The following NUP210L variants were observed in gnomAD, a reference collection of about 807,000 sequenced individuals.
NUP210L encodes nucleoporin 210 like.
In NUP210L, 74 loss-of-function variants were observed where a neutral mutation model predicts 208.5. The ratio of observed to expected loss-of-function variants is 0.35; its 90% confidence interval spans 0.29 to 0.43. The LOEUF is 0.43. Among genes scored for constraint, NUP210L ranks in the 20% least tolerant of loss-of-function variants. The pLI is 1.00. For synonymous variants in NUP210L, 780 were observed against 816.9 expected (o/e 0.95, Z 0.77); for missense variants, 1,843 against 2,289.4 (o/e 0.81, Z 3.98).
At chr1:154,063,784 T>C (rs139626055) in intron 17 of NUP210L, among the ~76,000 whole-genome samples, 275 of 152,024 alleles carry the variant, frequency 1.8e-3, no homozygotes, top group Non-Finnish European at 3.1e-3. Context: ...GCTCAGTAAA[T>C]AGCAACCAAA....
intron 12 of NUP210L, among the ~76,000 whole-genome samples, chr1:154,116,254 C>CAA (rs34151144): frequency 1.3e-3 from 122 of 91,422 alleles, no homozygotes; most frequent in African/African-American, 5.3e-3. Flanking sequence ...GACTCCATCT[C>CAA]AAAAAAAAAA....
At chr1:154,104,421 A>T (rs1656639557) in intron 12 of NUP210L, 1 of 548,354 alleles carries the variant, frequency 1.8e-6, no homozygotes, top group Non-Finnish European at 3.3e-6. Context: ...ATATCAAGGA[A>T]GGAGCCACTG....
intron 30 of NUP210L, among the ~76,000 whole-genome samples, chr1:154,024,862 C>T (rs370122829): frequency 6.7e-6 from 1 of 150,184 alleles, no homozygotes; most frequent in East Asian, 2.0e-4. Flanking sequence ...TACACTCCTC[C>T]GATACCAGTC....
chr1:154,029,375 CAAAAAAAA>C (rs57790370), intron 28 of NUP210L, among the ~76,000 whole-genome samples: 1 of 44,084 alleles, frequency 2.3e-5, no homozygotes, highest in Non-Finnish European at 3.9e-5. Context: ...AAGACTGTCT[CAAAAAAAA>C]AAAAAAAAAA....
At chr1:153,993,112 C>A in intron 38 of NUP210L, 23 bp from the exon 39 acceptor site, 2 of 1,586,810 alleles carry the variant, frequency 1.3e-6, no homozygotes, top group African/African-American at 1.3e-5. Flanking sequence ...CAGGAAATGT[C>A]ACAAGGCATA....
At position 154,001,851 on chromosome 1, in the gene NUP210L, G is replaced by C. The variant is rs766325288; in HGVS notation, c.5065C>G (p.Leu1689Val). Residue 1689 changes from leucine to valine, a missense_variant, in exon 36 of 40, where the codon CTC (leucine) becomes GTC (valine). This residue lies in a region of NUP210L where 781 missense variants were observed against 973.8 expected (regional missense o/e 0.80). Transcript: ENST00000368559. Reference sequence around the variant, plus strand: ...TAAAAGGCTGGGATGAAAGGAATGAGGATTCGTTGCATTCCATTCTTGCTA... The same window carrying C: ...TAAAAGGCTGGGATGAAAGGAATGACGATTCGTTGCATTCCATTCTTGCTA... 6.2e-6 allele frequency: 10 copies of C among 1,614,156 alleles called. No individual in the cohort carries two copies. In the Admixed American group the frequency reaches 1.7e-4, roughly 27 times the overall value.
chr1:154,001,174 T>C, intron 36 of NUP210L, 114 bp from the exon 37 acceptor site: 1 of 847,844 alleles, frequency 1.2e-6, no homozygotes. Context: ...GATTTCTAGC[T>C]AGCTAGCCGA....
At chr1:154,087,468 G>A (rs11265049) in intron 16 of NUP210L, among the ~76,000 whole-genome samples, 38,897 of 152,078 alleles carry the variant, frequency 0.26, 5,504 homozygotes, top group Admixed American at 0.37. Flanking sequence ...TGGAGAACCT[G>A]GAAGCCTCAC....
intron 34 of NUP210L, among the ~76,000 whole-genome samples, chr1:154,011,679 G>GTTTTTTTTTTTT (rs34653809): frequency 1.3e-5 from 1 of 78,422 alleles, no homozygotes; most frequent in Non-Finnish European, 2.4e-5. Context: ...ATTATCTTAA[G>GTTTTTTTTTTTT]TTTTTTTTTT....
intron 5 of NUP210L, 65 bp downstream of exon 5, chr1:154,139,737 C>A: frequency 1.6e-6 from 2 of 1,256,058 alleles, no homozygotes; most frequent in Admixed American, 2.1e-5. Flanking sequence ...AGTACCTGGG[C>A]AACAGAGTTA....
chr1:154,154,708 C>G, intron 1 of NUP210L, 134 bp downstream of exon 1: 2 of 697,032 alleles, frequency 2.9e-6, no homozygotes, highest in South Asian at 3.5e-5. Flanking sequence ...TGACACCACA[C>G]TCTCCTCCCC....
At chr1:154,132,474 C>G (rs757421009) in intron 7 of NUP210L, among the ~76,000 whole-genome samples, 2 of 152,122 alleles carry the variant, frequency 1.3e-5, no homozygotes, top group Non-Finnish European at 2.9e-5. Context: ...TAAAACTGCT[C>G]TTTCTCTTAT....
At chr1:154,034,342 T>G (rs2147949300) in intron 27 of NUP210L, among the ~76,000 whole-genome samples, 1 of 152,166 alleles carries the variant, frequency 6.6e-6, no homozygotes, top group South Asian at 2.1e-4. Context: ...ACTTTTTTCT[T>G]TTTTTGAGAT....
chr1:154,147,372 T>G (rs1659170421), intron 2 of NUP210L, among the ~76,000 whole-genome samples: 2 of 151,666 alleles, frequency 1.3e-5, no homozygotes, highest in Admixed American at 6.6e-5. Context: ...TTTTTTCCTT[T>G]AAACAAGGTC....
At chr1:154,096,194 C>T (rs754124174) in intron 14 of NUP210L, among the ~76,000 whole-genome samples, 1 of 152,020 alleles carries the variant, frequency 6.6e-6, no homozygotes, top group African/African-American at 2.4e-5. Context: ...AGTTTTAAAA[C>T]GAAGTAGAGA....
At chr1:154,064,429 A>G (rs931401058) in intron 17 of NUP210L, among the ~76,000 whole-genome samples, 2 of 152,110 alleles carry the variant, frequency 1.3e-5, no homozygotes, top group Non-Finnish European at 2.9e-5. Context: ...TCTCTGACTT[A>G]GTCTCACTCG....
intron 20 of NUP210L, among the ~76,000 whole-genome samples, chr1:154,059,604 G>A (rs1654036444): frequency 1.3e-5 from 2 of 152,196 alleles, no homozygotes; most frequent in Admixed American, 6.5e-5. Context: ...ATAGGGAAAG[G>A]ATGTCATGAA....
chr1:154,065,720 C>T (rs1056304307), intron 17 of NUP210L, among the ~76,000 whole-genome samples: 5 of 151,780 alleles, frequency 3.3e-5, no homozygotes, highest in South Asian at 4.1e-4. Flanking sequence ...TGGTGAAACT[C>T]GGTCTCTACT....
At chr1:154,067,444 C>T (rs1297673948) in intron 17 of NUP210L, among the ~76,000 whole-genome samples, 1 of 152,114 alleles carries the variant, frequency 6.6e-6, no homozygotes, top group African/African-American at 2.4e-5. Flanking sequence ...GGACGTATCT[C>T]AAAATAATAA....
Sources: gnomAD v4.1 joint callset for allele counts (sites outside exome capture counted in the v4.1 genomes callset) on GRCh38, gnomAD v4.1.1 for gene constraint, gnomAD v4.1.1 regional missense constraint, MANE v1.5 for transcripts, NCBI Gene and HGNC (gene_info 2026-07-23, HGNC 2026-07-21) for gene names.